The following TESK2 variants were observed in gnomAD, a reference collection of about 807,000 sequenced individuals.
TESK2 encodes testis associated actin remodelling kinase 2, also known as dual specificity testis-specific protein kinase 2.
TESK2 carries 39 observed loss-of-function variants against 57.1 expected under a neutral mutation model. That is an observed-to-expected ratio of 0.68 (90% CI 0.53 to 0.89). TESK2 has a LOEUF of 0.89. TESK2 is among the 40% of genes least tolerant of loss of function. The pLI is 0.00. For missense variants in TESK2, 646 were observed against 732.1 expected (o/e 0.88, Z 1.36); for synonymous variants, 249 against 267.9 (o/e 0.93, Z 0.69).
At chr1:45,439,376 C>A (rs192474489) in intron 2 of TESK2, among the ~76,000 whole-genome samples, 2 of 152,238 alleles carry the variant, frequency 1.3e-5, no homozygotes. Context: ...TAACTACTTA[C>A]AAGATTGTTA....
At chr1:45,479,813 C>CTTTTTTTT (rs35869444) in intron 1 of TESK2, among the ~76,000 whole-genome samples, 3 of 68,530 alleles carry the variant, frequency 4.4e-5, no homozygotes, top group African/African-American at 1.3e-4. Context: ...GAAGGCCCTT[C>CTTTTTTTT]TTTTTTTTTT....
chr1:45,417,622 C>T (rs1053350006), intron 3 of TESK2, among the ~76,000 whole-genome samples: 10 of 151,512 alleles, frequency 6.6e-5, no homozygotes, highest in Non-Finnish European at 1.5e-4. Flanking sequence ...GACAGAGTCT[C>T]GCTCTGTCGC....
At chr1:45,483,470 C>T (rs1321306721) in intron 1 of TESK2, among the ~76,000 whole-genome samples, 4 of 151,516 alleles carry the variant, frequency 2.6e-5, no homozygotes, top group Non-Finnish European at 1.5e-5. Flanking sequence ...TGGTGGCGCA[C>T]ACCTGTAAAC....
chr1:45,476,218 C>T (rs1324941265), intron 1 of TESK2, among the ~76,000 whole-genome samples: 3 of 152,052 alleles, frequency 2.0e-5, no homozygotes, highest in Non-Finnish European at 4.4e-5. Flanking sequence ...AAATAAATTA[C>T]AGTACAGGCC....
At chr1:45,484,005 A>C (rs1253859936) in intron 1 of TESK2, among the ~76,000 whole-genome samples, 4 of 151,512 alleles carry the variant, frequency 2.6e-5, no homozygotes, top group African/African-American at 7.3e-5. Context: ...TGTCTTAAAA[A>C]AAAAAAAAAT....
rs544828743 is a variant in TESK2 at position 45,408,232 on chromosome 1, C to T, written c.344+13493G>A. 3.6e-4 allele frequency among the ~76,000 whole-genome samples: 55 copies of T among 152,154 alleles called. 1 individual carries two copies. The highest frequency in any genetic ancestry group is 5.3e-4 in the Non-Finnish European group (36 of 68,036). On this transcript the variant is annotated intron_variant, in intron 3 of 10. Coordinates refer to ENST00000372086, the MANE Select transcript of TESK2 (RefSeq NM_007170.3). The stretch of plus-strand genomic sequence containing the variant: ...CCTATCTAAAAATATCTTCACTCTA[C>T]TCTCATGCTTGATTGGTAGTTCAGC...
chr1:45,432,393 G>C (rs1651002860), intron 2 of TESK2, among the ~76,000 whole-genome samples: 2 of 151,492 alleles, frequency 1.3e-5, no homozygotes, highest in South Asian at 4.2e-4. Context: ...TACCTACTTA[G>C]AAATATACAA....
intron 2 of TESK2, among the ~76,000 whole-genome samples, chr1:45,442,868 C>T (rs1651497979): frequency 6.6e-6 from 1 of 152,180 alleles, no homozygotes; most frequent in Non-Finnish European, 1.5e-5. Context: ...TTACTGCAAC[C>T]TCCACCTCCT....
intron 9 of TESK2, 146 bp from the exon 10 acceptor site, chr1:45,346,140 T>C (rs886457703): frequency 2.2e-5 from 15 of 673,160 alleles, no homozygotes; most frequent in African/African-American, 7.2e-5. Flanking sequence ...AGGTGATCCC[T>C]ACAGTTCAGG....
chr1:45,370,727 T>C (rs1648142730), intron 4 of TESK2, among the ~76,000 whole-genome samples: 6 of 152,036 alleles, frequency 3.9e-5, no homozygotes, highest in Admixed American at 3.9e-4. Flanking sequence ...TCATGTTCCA[T>C]TTGTGGAACT....
intron 4 of TESK2, among the ~76,000 whole-genome samples, chr1:45,382,930 T>A (rs1027333715): frequency 9.9e-5 from 15 of 152,142 alleles, no homozygotes; most frequent in African/African-American, 3.6e-4. Flanking sequence ...AAACTAAGTG[T>A]CTGACTGTTC....
At chr1:45,399,140 ATTTTTTTTTTTTT>A (rs753087306) in intron 3 of TESK2, among the ~76,000 whole-genome samples, 2 of 99,720 alleles carry the variant, frequency 2.0e-5, no homozygotes, top group East Asian at 2.9e-4. Flanking sequence ...AAAAGTTGAA[ATTTTTTTTTTTTT>A]TTTTTTTTTT....
chr1:45,406,187 T>A (rs545708855), intron 3 of TESK2, among the ~76,000 whole-genome samples: 2 of 152,282 alleles, frequency 1.3e-5, no homozygotes, highest in South Asian at 2.1e-4. Flanking sequence ...GCTGTGATCA[T>A]GCCACTGCAC....
chr1:45,488,997 T>C (rs906594951), intron 1 of TESK2, among the ~76,000 whole-genome samples: 4 of 151,994 alleles, frequency 2.6e-5, no homozygotes, highest in Non-Finnish European at 5.9e-5. Flanking sequence ...ATCCCGTCTC[T>C]ACAAAAAATA....
chr1:45,361,711 A>T (rs933305859), intron 4 of TESK2, among the ~76,000 whole-genome samples: 1 of 152,254 alleles, frequency 6.6e-6, no homozygotes, highest in Admixed American at 6.5e-5. Context: ...ATATGCCAAC[A>T]TCTTTTTTAA....
chr1:45,465,905 G>A (rs1652531462), intron 1 of TESK2, among the ~76,000 whole-genome samples: 1 of 152,110 alleles, frequency 6.6e-6, no homozygotes, highest in Non-Finnish European at 1.5e-5. Context: ...GTAATGTAGA[G>A]TTGGGGAGAA....
At chr1:45,376,494 C>G (rs899289431) in intron 4 of TESK2, among the ~76,000 whole-genome samples, 1 of 151,992 alleles carries the variant, frequency 6.6e-6, no homozygotes, top group Non-Finnish European at 1.5e-5. Flanking sequence ...GCTAGGATTA[C>G]AGGCGTGAGC....
intron 4 of TESK2, among the ~76,000 whole-genome samples, chr1:45,381,741 A>C (rs1648660086): frequency 6.6e-6 from 1 of 152,000 alleles, no homozygotes; most frequent in African/African-American, 2.4e-5. Flanking sequence ...ACCAATACAC[A>C]GAATTATATT....
At chr1:45,483,197 C>A (rs1302676586) in intron 1 of TESK2, among the ~76,000 whole-genome samples, 1 of 151,430 alleles carries the variant, frequency 6.6e-6, no homozygotes, top group Non-Finnish European at 1.5e-5. Context: ...AGGAGAATGG[C>A]GTGAACCCAG....
Sources: gnomAD v4.1 joint callset for allele counts (sites outside exome capture counted in the v4.1 genomes callset) on GRCh38, gnomAD v4.1.1 for gene constraint, MANE v1.5 for transcripts, NCBI Gene and HGNC (gene_info 2026-07-23, HGNC 2026-07-21) for gene names.